Variants in ATPAF1 observed in about 807,000 individuals in gnomAD.
ATPAF1 encodes the protein ATP synthase mitochondrial F1 complex assembly factor 1, also known as homolog of yeast ATP11.
In ATPAF1, 26 loss-of-function variants were observed where a neutral mutation model predicts 43.9. That is an observed-to-expected ratio of 0.59 (90% CI 0.43 to 0.82). The LOEUF is 0.82. Ranked by LOEUF, ATPAF1 falls within the 40% of genes least tolerant of loss-of-function variation. The pLI, the probability that ATPAF1 is intolerant of heterozygous loss-of-function variation, is 0.00. For missense variants in ATPAF1, 366 were observed against 435.0 expected, an observed-to-expected ratio of 0.84 and a Z score of 1.41; for synonymous variants, 157 against 168.0, an observed-to-expected ratio of 0.93 and a Z score of 0.50.
intron 6 of ATPAF1, among the ~76,000 whole-genome samples, chr1:46,648,158 C>A (rs1171032486): frequency 6.6e-6 from 1 of 152,190 alleles, no homozygotes; most frequent in Non-Finnish European, 1.5e-5. Context: ...GTCAGCTAGT[C>A]TGGAGTGCTG....
intron 2 of ATPAF1, chr1:46,663,842 G>T: frequency 1.6e-6 from 2 of 1,220,882 alleles, no homozygotes; most frequent in Non-Finnish European, 2.1e-6. Context: ...CCTTAATTCA[G>T]GCTTCTGCAG....
At chr1:46,652,692 T>G in intron 5 of ATPAF1, 64 bp from the exon 6 acceptor site, 1 of 1,363,098 alleles carries the variant, frequency 7.3e-7, no homozygotes, top group African/African-American at 1.4e-5. Flanking sequence ...CACTATCACA[T>G]GTAATTCACC....
chr1:46,635,676 T>C, exon 9 of ATPAF1: 9 of 1,182,900 alleles, frequency 7.6e-6, no homozygotes, highest in Non-Finnish European at 1.1e-5. Flanking sequence ...CATTACCAAC[T>C]GCTCATTATA....
At chr1:46,648,682 A>G (rs1347268209) in intron 6 of ATPAF1, among the ~76,000 whole-genome samples, 1 of 152,136 alleles carries the variant, frequency 6.6e-6, no homozygotes. Flanking sequence ...TTTCCTTTAC[A>G]AGTTACATTT....
intron 8 of ATPAF1, among the ~76,000 whole-genome samples, chr1:46,638,745 T>TTCTC (rs1254183972): frequency 6.7e-6 from 1 of 149,622 alleles, no homozygotes; most frequent in African/African-American, 2.4e-5. Context: ...CCAGCCCTTA[T>TTCTC]TCTCCCCCTG....
rs753840574 is a variant in ATPAF1 at position 46,636,119 on chromosome 1, T to G, written c.793-149A>C. ...CTTGAAGTCCCTAGTCTTGGTTAGG[T>G]GCCCCTTCTCTGTGTACCAAATCAT... On this transcript the variant is annotated intron_variant, in intron 8 of 8. Transcript: ENST00000574428. 1.4e-5 allele frequency: 11 copies of G among 805,110 alleles called. No individual in the cohort carries two copies. The East Asian group carries it at 2.0e-4, about 15-fold the overall frequency. 49.9% of individuals were successfully genotyped at this position (805,110 alleles called of 1,614,324 possible).
At chr1:46,660,847 A>C (rs777553108) in intron 2 of ATPAF1, among the ~76,000 whole-genome samples, 1 of 152,114 alleles carries the variant, frequency 6.6e-6, no homozygotes, top group Non-Finnish European at 1.5e-5. Flanking sequence ...TACATAATAA[A>C]AAAAATTTCC....
intron 6 of ATPAF1, among the ~76,000 whole-genome samples, chr1:46,649,908 A>G (rs1676132159): frequency 6.6e-6 from 1 of 152,164 alleles, no homozygotes; most frequent in Non-Finnish European, 1.5e-5. Flanking sequence ...CCTGGGCAAC[A>G]CTGTAAGATC....
chr1:46,635,029 C>T (rs1675810888), downstream of ATPAF1: 1 of 152,574 alleles, frequency 6.6e-6, no homozygotes, highest in African/African-American at 2.4e-5. Flanking sequence ...AAAAATCATG[C>T]AAACCAGGAT....
At chr1:46,651,614 C>T (rs889408296) in intron 6 of ATPAF1, among the ~76,000 whole-genome samples, 3 of 151,946 alleles carry the variant, frequency 2.0e-5, no homozygotes, top group Non-Finnish European at 2.9e-5. Context: ...ACAGTCCCAC[C>T]AACAGTGTAA....
chr1:46,635,824 G>T (rs138116431), exon 9 of ATPAF1: 1 of 1,614,138 alleles, frequency 6.2e-7, no homozygotes, highest in Non-Finnish European at 8.5e-7. Context: ...CTCCAAGTCC[G>T]CTTTGCTCCA....
chr1:46,653,720 G>A lies in ATPAF1; in HGVS notation c.540+97C>T. On this transcript the variant is annotated intron_variant, in intron 5 of 8. Coordinates refer to ENST00000574428, the Ensembl canonical transcript of ATPAF1. The surrounding 1 kb of genome is among the most constrained non-coding windows in gnomAD (Gnocchi z 4.8). Reference sequence around the variant, plus strand: ...GCTGTAAAATGCAGCTTCTCAAGAGGCAATAAACATAGGAAAAGTAAAGGC... The same window carrying A: ...GCTGTAAAATGCAGCTTCTCAAGAGACAATAAACATAGGAAAAGTAAAGGC... The A allele has an allele frequency of 1.8e-6, 2 of 1,140,814 alleles. No individual in the cohort carries two copies. The highest frequency in any genetic ancestry group is 2.5e-6 in the Non-Finnish European group (2 of 786,324). 70.7% of individuals were successfully genotyped at this position (1,140,814 alleles called of 1,614,324 possible).
At chr1:46,656,618 T>A (rs989032456) in intron 4 of ATPAF1, among the ~76,000 whole-genome samples, 1 of 152,268 alleles carries the variant, frequency 6.6e-6, no homozygotes, top group African/African-American at 2.4e-5. Context: ...GAGACTGATA[T>A]ATGTTTCCTT....
chr1:46,668,513 C>T (rs1475460594), upstream of ATPAF1: 40 of 723,856 alleles, frequency 5.5e-5, no homozygotes, highest in African/African-American at 7.6e-5. This position sits in a 1 kb window ranked among gnomAD's most constrained non-coding sequence, Gnocchi z 4.4. Context: ...GGCCCCGGCA[C>T]TGCGCGCTCT....
At chr1:46,650,013 C>T (rs1676134064) in intron 6 of ATPAF1, among the ~76,000 whole-genome samples, 1 of 152,182 alleles carries the variant, frequency 6.6e-6, no homozygotes. Context: ...TAGGTATTCT[C>T]TGTTTTCAGC....
rs560803530 is a variant in ATPAF1 at position 46,660,144 on chromosome 1, T to C, written c.376-1407A>G. On this transcript the variant is annotated intron_variant, in intron 2 of 8. Transcript: ENST00000574428. ...GGCTTGTGCCACCATGCCTGGCTAA[T>C]TTTTTGTATTTTTAGTAGAGATGGG... Among the ~76,000 whole-genome samples, 4 of 152,106 alleles carry C rather than the reference T, an allele frequency of 2.6e-5. No homozygotes were observed. In the South Asian group the frequency reaches 8.3e-4, roughly 32 times the overall value.
Position 46,668,179 on chromosome 1 carries a change from T to C in ATPAF1, c.144A>G (p.Pro48=). 7.2e-7 allele frequency: 1 copy of C among 1,394,646 alleles called. No individual in the cohort carries two copies. Among genetic ancestry groups the C allele is most frequent in the Non-Finnish European group, 9.3e-7 (1 of 1,074,534 alleles). The allele number at this position is 1,394,646 out of a possible 1,614,324, so 86.4% of individuals were successfully genotyped here. The change falls in exon 1 of 9, where the codon CCA becomes CCG. Residue 48 remains proline, a synonymous_variant. Coordinates refer to ENST00000574428, the Ensembl canonical transcript of ATPAF1. The surrounding 1 kb of genome is among the most constrained non-coding windows in gnomAD (Gnocchi z 4.4). ...CGGGCCGGCCCGAGCCGGGGCGCACTGGGAAGACGCGCAGCTGCGCGGGTG... is the reference window on the plus strand; with the variant it reads ...CGGGCCGGCCCGAGCCGGGGCGCACCGGGAAGACGCGCAGCTGCGCGGGTG...
chr1:46,650,758 A>G (rs1676148847), intron 6 of ATPAF1, among the ~76,000 whole-genome samples: 1 of 152,066 alleles, frequency 6.6e-6, no homozygotes. Context: ...TGTTAAGTGA[A>G]ATAAGCCACG....
At chr1:46,652,922 G>A (rs1676198154) in intron 5 of ATPAF1, among the ~76,000 whole-genome samples, 1 of 152,012 alleles carries the variant, frequency 6.6e-6, no homozygotes, top group Non-Finnish European at 1.5e-5. Flanking sequence ...AGGTAAGAAG[G>A]CCTGTTTAAA....
Sources: allele counts gnomAD v4.1 joint callset (sites outside exome capture counted in the v4.1 genomes callset), GRCh38; gene constraint gnomAD v4.1.1; non-coding constraint Gnocchi (gnomAD v3.1); transcripts MANE v1.5; gene names NCBI Gene and HGNC (gene_info 2026-07-23, HGNC 2026-07-21).